The following F10 variants were observed in gnomAD, a reference collection of about 807,000 sequenced individuals.
F10 encodes the protein Stuart-Prower factor.
In F10, 29 loss-of-function variants were observed where a neutral mutation model predicts 37.1. That is an observed-to-expected ratio of 0.78 (90% CI 0.58 to 1.07). The LOEUF is 1.07. F10 is among the 50% of genes least tolerant of loss of function. The pLI is 0.00. For missense variants in F10, 539 were observed against 667.9 expected, an observed-to-expected ratio of 0.81 and a Z score of 2.13; for synonymous variants, 262 against 268.6, an observed-to-expected ratio of 0.98 and a Z score of 0.24.
At position 113,122,893 on chromosome 13, in the gene F10, C is replaced by G; in HGVS notation, c.38C>G (p.Ser13Cys). 1.9e-6 allele frequency: 3 copies of G among 1,610,812 alleles called. No individual in the cohort carries two copies. The highest frequency in any genetic ancestry group is 2.5e-6 in the Non-Finnish European group (3 of 1,180,008). ...CTGCACCTCGTCCTGCTCAGTGCCT[C>G]CCTGGCTGGCCTCCTGCTGCTCGGG... ...RPLHLVLLSA[S>C]LAGLLLLGES... The change falls in exon 1 of 8, where the codon TCC becomes TGC. Residue 13 changes from serine to cysteine, a missense_variant. Ser to Cys is a moderately radical substitution (Grantham distance 112, BLOSUM62 -1). Coordinates refer to ENST00000375559, the MANE Select transcript of F10 (RefSeq NM_000504.4).
intron 2 of F10, among the ~76,000 whole-genome samples, chr13:113,136,682 G>A (rs1263339880): frequency 0.072 from 430 of 5,936 alleles, 5 homozygotes; most frequent in Non-Finnish European, 0.11. Context: ...ACGGAGTCTC[G>A]CTCTGTCGCC....
intron 5 of F10, among the ~76,000 whole-genome samples, chr13:113,142,953 T>C (rs1255124585): frequency 6.7e-6 from 1 of 149,872 alleles, no homozygotes; most frequent in East Asian, 1.9e-4. Context: ...AAAAGTTCAG[T>C]TCCAAATAAT....
Position 113,143,699 on chromosome 13 carries a change from ACGTGGGGCCTCGCCCTGC to A in F10, c.503-151_503-134del. ...CCTGCAGATCCGACCCCTGCCGACG[ACGTGGGGCCTCGCCCTGC>A]AAGCCCGCTGCCCCTCCGGGTGCCC... is the stretch of plus-strand genomic sequence containing the variant. On this transcript the variant is annotated intron_variant, in intron 5 of 7. Transcript: ENST00000375559. The surrounding 1 kb of genome is among the most constrained non-coding windows in gnomAD (Gnocchi z 6.8). The A allele has an allele frequency of 3.3e-6, 4 of 1,203,496 alleles. No individual in the cohort carries two copies. The highest frequency in any genetic ancestry group is 2.1e-5 in the Admixed American group (1 of 46,628). 74.6% of individuals were successfully genotyped at this position (1,203,496 alleles called of 1,614,324 possible). A position where few individuals can be genotyped will look rare whatever the true frequency, so the allele number is the denominator to read the frequency against.
intron 2 of F10, 97 bp downstream of exon 2, chr13:113,129,709 G>T: frequency 6.6e-7 from 1 of 1,521,746 alleles, no homozygotes; most frequent in Non-Finnish European, 9.1e-7. Flanking sequence ...GCGGCCTGGA[G>T]GAAGGGGCAG....
chr13:113,133,193 AAAG>A (rs1220317352), intron 2 of F10, among the ~76,000 whole-genome samples: 6 of 152,110 alleles, frequency 3.9e-5, no homozygotes, highest in Non-Finnish European at 5.9e-5. Context: ...AACTAGAAAA[AAAG>A]AAAAAAATAA....
Position 113,138,511 on chromosome 13 carries a change from TGA to T in F10, c.256+34_256+35del, listed in dbSNP as rs563200163. On this transcript the variant is annotated intron_variant, in intron 3 of 7. Coordinates refer to ENST00000375559, the MANE Select transcript of F10 (RefSeq NM_000504.4). ...GTATTTTTTCTGTTTTAACCTTCAG[TGA>T]GAGGGGTTCATCAGGATATTTGAAT... 2.1e-3 allele frequency: 2,836 copies of T among 1,353,946 alleles called. 61 individuals carry two copies. Among genetic ancestry groups the T allele is most frequent in the Non-Finnish European group, 4.8e-4 (451 of 948,684 alleles). 83.9% of individuals were successfully genotyped at this position (1,353,946 alleles called of 1,614,324 possible).
chr13:113,140,334 A>G (rs1383881921), intron 4 of F10, among the ~76,000 whole-genome samples: 2 of 151,060 alleles, frequency 1.3e-5, no homozygotes, highest in Non-Finnish European at 2.9e-5. Flanking sequence ...GCCCGCTTCG[A>G]CCTCCCAAAG....
intron 1 of F10, among the ~76,000 whole-genome samples, chr13:113,124,787 GA>G (rs2036355211): frequency 6.6e-6 from 1 of 152,256 alleles, no homozygotes; most frequent in African/African-American, 2.4e-5. Flanking sequence ...TAAAGCAACA[GA>G]AACATTTCTC....
At chr13:113,133,426 A>G (rs1230582687) in intron 2 of F10, among the ~76,000 whole-genome samples, 1 of 152,196 alleles carries the variant, frequency 6.6e-6, no homozygotes, top group African/African-American at 2.4e-5. Context: ...ACAACTCTGC[A>G]TATATAAATT....
At chr13:113,130,792 C>G (rs141103677) in intron 2 of F10, 1,670 of 152,352 alleles carry the variant, frequency 0.011, 17 homozygotes, top group Admixed American at 0.019. Context: ...TCTAATGACC[C>G]CTGCGGACCA....
At chr13:113,124,394 A>T (rs2036350954) in intron 1 of F10, among the ~76,000 whole-genome samples, 1 of 152,204 alleles carries the variant, frequency 6.6e-6, no homozygotes. Flanking sequence ...TCCACAGGGT[A>T]TTGGCACCCT....
intron 1 of F10, among the ~76,000 whole-genome samples, chr13:113,125,474 T>C (rs559263260): frequency 6.6e-6 from 1 of 152,380 alleles, no homozygotes; most frequent in African/African-American, 2.4e-5. Flanking sequence ...CCCAACAGCT[T>C]CTGAAGAAAC....
At position 113,141,527 on chromosome 13, in the gene F10, A is replaced by G. The variant is rs1595094650; in HGVS notation, c.502+477A>G. The stretch of plus-strand genomic sequence containing the variant: ...GACGCTCAGGCTCTGAGCTCCTTTT[A>G]CCAGGACCAGTGTTCATTGAACGTA... On this transcript the variant is annotated intron_variant, in intron 5 of 7. Transcript: ENST00000375559. The surrounding 1 kb of genome is among the most constrained non-coding windows in gnomAD (Gnocchi z 5.4). Among the ~76,000 whole-genome samples the G allele has an allele frequency of 1.3e-5, 2 of 152,142 alleles. No homozygotes were observed. Among genetic ancestry groups the G allele is most frequent in the Admixed American group, 6.5e-5 (1 of 15,274 alleles).
intron 1 of F10, among the ~76,000 whole-genome samples, chr13:113,124,963 T>C (rs189707720): frequency 6.6e-6 from 1 of 152,346 alleles, no homozygotes; most frequent in African/African-American, 2.4e-5. Context: ...GCCTCCATCA[T>C]CGCATGGGGT....
chr13:113,148,397 T>TACACAC (rs202119318), intron 7 of F10, among the ~76,000 whole-genome samples: 3 of 29,516 alleles, frequency 1.0e-4, no homozygotes, highest in Non-Finnish European at 2.0e-4. Flanking sequence ...TATACATATA[T>TACACAC]ATACACACAC....
chr13:113,135,052 C>G (rs978730170), intron 2 of F10, among the ~76,000 whole-genome samples: 4 of 151,898 alleles, frequency 2.6e-5, no homozygotes, highest in African/African-American at 9.7e-5. Context: ...ACCAGCCTGG[C>G]CAACATGGTG....
At chr13:113,124,492 C>T (rs1202323226) in intron 1 of F10, among the ~76,000 whole-genome samples, 3 of 152,336 alleles carry the variant, frequency 2.0e-5, no homozygotes, top group East Asian at 3.9e-4. Context: ...TGGCCAGCCC[C>T]GGAGAGCCAG....
intron 2 of F10, among the ~76,000 whole-genome samples, chr13:113,135,542 G>A (rs1158187721): frequency 6.6e-6 from 1 of 152,166 alleles, no homozygotes; most frequent in African/African-American, 2.4e-5. Context: ...CTTTTATAAG[G>A]ACATTAATCC....
intron 2 of F10, among the ~76,000 whole-genome samples, chr13:113,134,767 A>G (rs76356504): frequency 6.6e-6 from 1 of 152,230 alleles, no homozygotes; most frequent in Non-Finnish European, 1.5e-5. Context: ...TAAGCCAAAA[A>G]TTTTTAAATG....
Sources: gnomAD v4.1 joint callset for allele counts (sites outside exome capture counted in the v4.1 genomes callset) on GRCh38, gnomAD v4.1.1 for gene constraint, Gnocchi (gnomAD v3.1) non-coding constraint, MANE v1.5 for transcripts, NCBI Gene and HGNC (gene_info 2026-07-23, HGNC 2026-07-21) for gene names.